SUSD6: variants seen among roughly 807,000 people sequenced by gnomAD.
SUSD6 encodes the protein sushi domain containing 6.
Under a neutral mutation model 28.4 loss-of-function variants are expected in SUSD6, and 16 were observed. That is an observed-to-expected ratio of 0.56 (90% CI 0.38 to 0.86). SUSD6 has a LOEUF of 0.86. SUSD6 is among the 40% of genes least tolerant of loss of function. The pLI is 0.00. For synonymous variants in SUSD6, 147 were observed against 159.6 expected (o/e 0.92, Z 0.59); for missense variants, 341 against 384.2 (o/e 0.89, Z 0.94).
intron 1 of SUSD6, among the ~76,000 whole-genome samples, chr14:69,632,941 C>G (rs1031223816): frequency 2.6e-5 from 4 of 152,332 alleles, no homozygotes; most frequent in Admixed American, 2.0e-4. Context: ...TTGTCATCCG[C>G]TGGCCTTCCA....
At chr14:69,662,294 A>G (rs546583342) in intron 2 of SUSD6, among the ~76,000 whole-genome samples, 1 of 152,214 alleles carries the variant, frequency 6.6e-6, no homozygotes, top group African/African-American at 2.4e-5. Flanking sequence ...ATTTGTCTGC[A>G]TCGTCTCTGG....
intron 2 of SUSD6, among the ~76,000 whole-genome samples, chr14:69,659,698 T>C (rs1458691487): frequency 6.6e-6 from 1 of 152,184 alleles, no homozygotes; most frequent in Non-Finnish European, 1.5e-5. Context: ...TTTTATTATT[T>C]AGTTGAGACG....
At chr14:69,668,226 G>C (rs1185865993) in intron 2 of SUSD6, among the ~76,000 whole-genome samples, 5 of 152,230 alleles carry the variant, frequency 3.3e-5, no homozygotes, top group Non-Finnish European at 7.3e-5. Flanking sequence ...AGAAAAGAGA[G>C]GGCCCAGGCA....
intron 1 of SUSD6, among the ~76,000 whole-genome samples, chr14:69,653,765 T>C (rs1401282684): frequency 6.6e-6 from 1 of 150,648 alleles, no homozygotes; most frequent in African/African-American, 2.5e-5. Context: ...TTTTTTTTTT[T>C]TTGCTTGGTG....
intron 1 of SUSD6, among the ~76,000 whole-genome samples, chr14:69,637,993 C>G (rs1885289751): frequency 6.6e-6 from 1 of 152,198 alleles, no homozygotes; most frequent in African/African-American, 2.4e-5. Flanking sequence ...CCCCCCACCA[C>G]TCTGCTAGGA....
At chr14:69,631,634 A>G (rs1412869898) in intron 1 of SUSD6, among the ~76,000 whole-genome samples, 1 of 152,166 alleles carries the variant, frequency 6.6e-6, no homozygotes, top group Non-Finnish European at 1.5e-5. Context: ...AGTTAATAAT[A>G]ATAATTCTGT....
At chr14:69,639,313 C>CAAAAAAAAAAAAAAA (rs57837741) in intron 1 of SUSD6, among the ~76,000 whole-genome samples, 1 of 54,590 alleles carries the variant, frequency 1.8e-5, no homozygotes, top group Non-Finnish European at 3.0e-5. Context: ...GACTCCGTCT[C>CAAAAAAAAAAAAAAA]AAAAAAAAAA....
At chr14:69,644,957 G>A (rs1463313850) in intron 1 of SUSD6, among the ~76,000 whole-genome samples, 1 of 152,134 alleles carries the variant, frequency 6.6e-6, no homozygotes, top group East Asian at 1.9e-4. Context: ...AGGGGCATGG[G>A]GCTAATCAAA....
intron 4 of SUSD6, among the ~76,000 whole-genome samples, chr14:69,707,585 G>T (rs530160517): frequency 2.0e-5 from 3 of 151,732 alleles, no homozygotes; most frequent in Non-Finnish European, 4.4e-5. Context: ...GAGAAACTCC[G>T]TCTCTACAAA....
chr14:69,669,613 C>G (rs1246106257), intron 2 of SUSD6, among the ~76,000 whole-genome samples: 1 of 152,216 alleles, frequency 6.6e-6, no homozygotes, highest in African/African-American at 2.4e-5. Context: ...GGCTAAGGGA[C>G]AACTCCTTCT....
Position 69,711,210 on chromosome 14 carries a change from G to A in SUSD6, c.*231G>A, listed in dbSNP as rs1886458028. ...AGGAGCTGGCTCTTTGCCTGGCCCC[G>A]CCTTCCCATCTGTCAGAGACATATT... On this transcript the variant is annotated 3_prime_UTR_variant, in exon 6 of 6. Coordinates refer to ENST00000342745, the MANE Select transcript of SUSD6 (RefSeq NM_014734.4). 5 of 577,986 alleles carry A rather than the reference G, an allele frequency of 8.7e-6. No individual in the cohort carries two copies. Among genetic ancestry groups the A allele is most frequent in the Non-Finnish European group, 1.5e-5 (5 of 323,596 alleles). The allele number at this position is 577,986 out of a possible 1,614,324, so 35.8% of individuals were successfully genotyped here.
chr14:69,680,469 C>G (rs1163393683), intron 2 of SUSD6, among the ~76,000 whole-genome samples: 2 of 152,202 alleles, frequency 1.3e-5, no homozygotes. Context: ...TCCCACAAAT[C>G]TGTCTTCCAC....
chr14:69,658,844 T>C (rs1295618906), intron 2 of SUSD6, 131 bp downstream of exon 2: 1 of 1,191,834 alleles, frequency 8.4e-7, no homozygotes, highest in Non-Finnish European at 1.2e-6. Context: ...AGGGCTTTTG[T>C]GGTAAATATA....
chr14:69,625,372 G>C (rs892712670), intron 1 of SUSD6, among the ~76,000 whole-genome samples: 1 of 152,220 alleles, frequency 6.6e-6, no homozygotes, highest in African/African-American at 2.4e-5. Flanking sequence ...CTACTTTAAA[G>C]TTACAGAAAA....
rs1363305288 is a variant in SUSD6, at chr14:69,709,133, T to C, written c.886+29T>C. On this transcript the variant is annotated intron_variant, in intron 5 of 5. Coordinates refer to ENST00000342745, the MANE Select transcript of SUSD6 (RefSeq NM_014734.4). ...AGTGGTCCAAGCTGAACATGAATTA[T>C]TAGCTGCTTAGGGTCCTTGCTGGGA... is the stretch of plus-strand genomic sequence containing the variant. The C allele has an allele frequency of 2.6e-6, 4 of 1,524,162 alleles. No homozygotes were observed. The East Asian group carries it at 6.8e-5, about 26-fold the overall frequency. 94.4% of individuals were successfully genotyped at this position (1,524,162 alleles called of 1,614,324 possible). A position where few individuals can be genotyped will look rare whatever the true frequency, so the allele number is the denominator to read the frequency against.
At chr14:69,632,186 C>G (rs968420636) in intron 1 of SUSD6, among the ~76,000 whole-genome samples, 3 of 152,196 alleles carry the variant, frequency 2.0e-5, no homozygotes, top group Non-Finnish European at 4.4e-5. Context: ...TTAATGGCAA[C>G]CCTTCCAGAG....
At chr14:69,628,082 G>C (rs1885141470) in intron 1 of SUSD6, among the ~76,000 whole-genome samples, 1 of 151,864 alleles carries the variant, frequency 6.6e-6, no homozygotes. Context: ...ACAGGCACCT[G>C]CCACCACGCC....
chr14:69,703,282 G>A lies in SUSD6; in HGVS notation c.122-113G>A, dbSNP rs149171229. The A allele has an allele frequency of 1.9e-5, 16 of 841,040 alleles. 1 individual carries two copies. The highest frequency in any genetic ancestry group is 1.2e-4 in the African/African-American group (7 of 58,900). 52.1% of individuals were successfully genotyped at this position (841,040 alleles called of 1,614,324 possible). On this transcript the variant is annotated intron_variant, in intron 2 of 5. Transcript: ENST00000342745. ...TGGTTAACAGTTCCTCCAAGGAAAG[G>A]GTTATTTCCTCCTCCTGTGTTTCCT...
intron 2 of SUSD6, among the ~76,000 whole-genome samples, chr14:69,683,631 G>A (rs909553988): frequency 3.9e-5 from 6 of 152,256 alleles, no homozygotes; most frequent in African/African-American, 1.4e-4. Context: ...AGGCCAGTGG[G>A]GGCTGCCTAG....
Sources: allele counts gnomAD v4.1 joint callset (sites outside exome capture counted in the v4.1 genomes callset), GRCh38; gene constraint gnomAD v4.1.1; transcripts MANE v1.5; gene names NCBI Gene and HGNC (gene_info 2026-07-23, HGNC 2026-07-21).